Variants in CNTNAP2 observed in about 807,000 individuals in gnomAD.
CNTNAP2 encodes contactin associated protein 2, also known as contactin-associated protein-like 2.
Under a neutral mutation model 155.2 loss-of-function variants are expected in CNTNAP2, and 98 were observed. The observed-to-expected ratio is 0.63, with a 90% confidence interval of 0.54 to 0.75. The LOEUF is 0.75. CNTNAP2 is among the 30% of genes least tolerant of loss of function. The pLI is 0.00. For synonymous variants in CNTNAP2, 651 were observed against 631.2 expected (o/e 1.03, Z -0.47); for missense variants, 1,727 against 1,688.1 (o/e 1.02, Z -0.40).
At chr7:148,308,346 A>G (rs895403818) in intron 21 of CNTNAP2, among the ~76,000 whole-genome samples, 7 of 152,086 alleles carry the variant, frequency 4.6e-5, no homozygotes, top group Admixed American at 2.0e-4. Flanking sequence ...AAAGAGTTTA[A>G]GAGAAACTTC....
intron 9 of CNTNAP2, among the ~76,000 whole-genome samples, chr7:147,349,092 TTAACAA>T (rs1795927146): frequency 6.6e-6 from 1 of 151,490 alleles, no homozygotes; most frequent in South Asian, 2.1e-4. Context: ...ATAACAATAT[TTAACAA>T]TAATACATAG....
rs76343647 is a variant in CNTNAP2, at chr7:147,212,390, T to A, written c.1348+79881T>A. On this transcript the variant is annotated intron_variant, in intron 8 of 23. Coordinates refer to ENST00000361727, the MANE Select transcript of CNTNAP2 (RefSeq NM_014141.6). ...GATAAAGTATGGTACATGTACACCA[T>A]GTAATACTGTGCAGCCATTAAATAA... 7.7e-3 allele frequency among the ~76,000 whole-genome samples: 1,166 copies of A among 152,274 alleles called. 16 individuals are homozygous for A. Among genetic ancestry groups the A allele is most frequent in the African/African-American group, 0.027 (1,111 of 41,556 alleles).
chr7:146,805,521 A>T (rs570888348), intron 2 of CNTNAP2, among the ~76,000 whole-genome samples: 134 of 152,306 alleles, frequency 8.8e-4, no homozygotes, highest in African/African-American at 3.1e-3. Flanking sequence ...TCTCAAGAAG[A>T]AGTAATTGTT....
At chr7:147,391,585 G>C (rs532747431) in intron 9 of CNTNAP2, among the ~76,000 whole-genome samples, 1 of 152,094 alleles carries the variant, frequency 6.6e-6, no homozygotes, top group African/African-American at 2.4e-5. Context: ...ATTATATAAA[G>C]ATAAGCTCCC....
chr7:146,301,395 C>T (rs142146395), intron 1 of CNTNAP2, among the ~76,000 whole-genome samples: 3,662 of 152,006 alleles, frequency 0.024, 64 homozygotes, highest in Middle Eastern at 0.051. Context: ...AAGGCTGAGA[C>T]GGGCAGATCA....
intron 14 of CNTNAP2, among the ~76,000 whole-genome samples, chr7:147,950,287 T>G (rs1486311984): frequency 2.2e-5 from 3 of 138,810 alleles, no homozygotes; most frequent in African/African-American, 8.1e-5. Context: ...CAGATAAATA[T>G]GATGAATTGT....
At chr7:146,476,022 G>A (rs1298643817) in intron 1 of CNTNAP2, among the ~76,000 whole-genome samples, 1 of 152,132 alleles carries the variant, frequency 6.6e-6, no homozygotes, top group Admixed American at 6.5e-5. Flanking sequence ...TGATTAGGAA[G>A]CTGTCTCTAC....
chr7:147,332,156 A>G (rs1247239293), intron 9 of CNTNAP2, among the ~76,000 whole-genome samples: 1 of 152,308 alleles, frequency 6.6e-6, no homozygotes, highest in African/African-American at 2.4e-5. Context: ...CTTACCTCAC[A>G]TTAATGAAGA....
chr7:146,345,180 A>C (rs898935559), intron 1 of CNTNAP2, among the ~76,000 whole-genome samples: 1 of 152,196 alleles, frequency 6.6e-6, no homozygotes, highest in Non-Finnish European at 1.5e-5. Flanking sequence ...ATAAGATATA[A>C]AATTGACAAG....
intron 3 of CNTNAP2, among the ~76,000 whole-genome samples, chr7:147,021,768 G>A (rs1798821320): frequency 6.6e-6 from 1 of 152,068 alleles, no homozygotes; most frequent in Non-Finnish European, 1.5e-5. Context: ...TGTTGCCTCA[G>A]TCATGTAACA....
At chr7:147,276,381 G>T (rs1315221023) in intron 8 of CNTNAP2, among the ~76,000 whole-genome samples, 4 of 151,920 alleles carry the variant, frequency 2.6e-5, no homozygotes, top group Admixed American at 6.6e-5. Flanking sequence ...TTTTAAGAAA[G>T]AATTGTAAAA....
intron 1 of CNTNAP2, among the ~76,000 whole-genome samples, chr7:146,483,299 A>G (rs1350180845): frequency 1.7e-4 from 12 of 68,616 alleles, no homozygotes; most frequent in Non-Finnish European, 1.3e-4. Flanking sequence ...ATATATATAT[A>G]TATATATATA....
At chr7:147,842,224 A>G (rs1485809500) in intron 13 of CNTNAP2, among the ~76,000 whole-genome samples, 2 of 152,246 alleles carry the variant, frequency 1.3e-5, no homozygotes, top group African/African-American at 2.4e-5. Context: ...TCACATAGGT[A>G]GTAAGTAACA....
intron 11 of CNTNAP2, among the ~76,000 whole-genome samples, chr7:147,524,150 G>A (rs779366600): frequency 2.0e-5 from 3 of 152,186 alleles, no homozygotes; most frequent in Non-Finnish European, 2.9e-5. Flanking sequence ...CAGCCTAGAT[G>A]TTTGCAAATA....
At chr7:146,969,984 T>C (rs1441457285) in intron 3 of CNTNAP2, among the ~76,000 whole-genome samples, 2 of 152,224 alleles carry the variant, frequency 1.3e-5, no homozygotes, top group Non-Finnish European at 1.5e-5. Context: ...TAATAAATGG[T>C]GCTGGGAAAA....
At chr7:147,010,856 T>A (rs1374473261) in intron 3 of CNTNAP2, among the ~76,000 whole-genome samples, 3 of 152,110 alleles carry the variant, frequency 2.0e-5, no homozygotes, top group African/African-American at 7.2e-5. Flanking sequence ...GGGAATGGAA[T>A]ATTTACATCT....
intron 1 of CNTNAP2, among the ~76,000 whole-genome samples, chr7:146,558,759 A>G (rs540352474): frequency 2.0e-5 from 3 of 152,282 alleles, no homozygotes; most frequent in African/African-American, 7.2e-5. Context: ...ATCTTCTCCC[A>G]TATCTCTCCT....
intron 1 of CNTNAP2, among the ~76,000 whole-genome samples, chr7:146,768,007 A>G (rs974075032): frequency 1.3e-5 from 2 of 152,150 alleles, no homozygotes; most frequent in East Asian, 1.9e-4. Context: ...ACCCTCAACT[A>G]TGTCTAAAAA....
chr7:146,218,542 A>AAC (rs1164337407), intron 1 of CNTNAP2, among the ~76,000 whole-genome samples: 1 of 150,504 alleles, frequency 6.6e-6, no homozygotes, highest in Non-Finnish European at 1.5e-5. Context: ...CAAACAAACA[A>AAC]AAAAAATTGC....
Sources: allele counts gnomAD v4.1 joint callset (sites outside exome capture counted in the v4.1 genomes callset), GRCh38; gene constraint gnomAD v4.1.1; transcripts MANE v1.5; gene names NCBI Gene and HGNC (gene_info 2026-07-23, HGNC 2026-07-21).